The following CABLES1 variants were observed in gnomAD, a reference collection of about 807,000 sequenced individuals.
CABLES1 encodes the protein CDK5 and ABL1 enzyme substrate 1.
CABLES1 carries 36 observed loss-of-function variants against 57.8 expected under a neutral mutation model. The observed-to-expected ratio is 0.62, with a 90% confidence interval of 0.48 to 0.82. The LOEUF (loss-of-function observed/expected upper bound fraction) is 0.82. CABLES1 is among the 40% of genes least tolerant of loss of function. The pLI, the probability that CABLES1 is intolerant of heterozygous loss-of-function variation, is 0.00. For missense variants in CABLES1, 767 were observed against 836.6 expected (o/e 0.92, Z 1.03); for synonymous variants, 374 against 363.0 (o/e 1.03, Z -0.35).
intron 1 of CABLES1, among the ~76,000 whole-genome samples, chr18:23,138,854 T>A (rs9962540): frequency 0.34 from 51,485 of 152,036 alleles, 10,116 homozygotes; most frequent in African/African-American, 0.55. Flanking sequence ...TTGCCATTAG[T>A]GGAATTCCAT....
chr18:23,219,829 G>C (rs979920972), intron 4 of CABLES1, among the ~76,000 whole-genome samples: 3 of 152,202 alleles, frequency 2.0e-5, no homozygotes, highest in Non-Finnish European at 2.9e-5. Flanking sequence ...GAAACACACT[G>C]TCCACACTCC....
At chr18:23,179,658 G>T (rs2047150069) in intron 1 of CABLES1, among the ~76,000 whole-genome samples, 1 of 152,242 alleles carries the variant, frequency 6.6e-6, no homozygotes, top group Non-Finnish European at 1.5e-5. Context: ...TTCCTCCAGG[G>T]TCTAACAAGC....
intron 4 of CABLES1, among the ~76,000 whole-genome samples, chr18:23,230,503 G>C (rs2047559784): frequency 6.6e-6 from 1 of 152,174 alleles, no homozygotes; most frequent in South Asian, 2.1e-4. Flanking sequence ...CAAAATGGTA[G>C]CCCTGAAGTT....
At chr18:23,187,812 C>A (rs551798065) in intron 1 of CABLES1, among the ~76,000 whole-genome samples, 1 of 151,894 alleles carries the variant, frequency 6.6e-6, no homozygotes, top group African/African-American at 2.4e-5. Flanking sequence ...CCAAACAAGC[C>A]AAAGGTATCA....
intron 1 of CABLES1, among the ~76,000 whole-genome samples, chr18:23,163,263 G>A (rs912177491): frequency 2.6e-5 from 4 of 152,242 alleles, no homozygotes; most frequent in East Asian, 1.9e-4. Context: ...AGGATGCCAC[G>A]TGGAGATTTA....
intron 2 of CABLES1, among the ~76,000 whole-genome samples, chr18:23,193,462 G>C (rs2047260322): frequency 1.5e-5 from 2 of 129,366 alleles, no homozygotes; most frequent in African/African-American, 6.0e-5. Flanking sequence ...AAAGTGCTGT[G>C]ATTACAGGCG....
At position 23,259,016 on chromosome 18, in the gene CABLES1, A is replaced by AGAG. The variant is rs1166890776; in HGVS notation, c.*1652_*1654dup. Reference sequence around the variant, plus strand: ...TGGGTGGTGGGGGGAGGGAGGAGGGAGAGGATATGATTAATGTGGTCTCTT... The same window carrying AGAG: ...TGGGTGGTGGGGGGAGGGAGGAGGGAGAGGAGGATATGATTAATGTGGTCTCTT... On this transcript the variant is annotated 3_prime_UTR_variant, in exon 10 of 10. Transcript: ENST00000256925. The AGAG allele has an allele frequency of 4.0e-5, 6 of 151,770 alleles. No individual in the cohort carries two copies. The highest frequency in any genetic ancestry group is 1.5e-4 in the African/African-American group (6 of 41,234). The allele number at this position is 151,770 out of a possible 1,614,324, so 9.4% of individuals were successfully genotyped here. A position where few individuals can be genotyped will look rare whatever the true frequency, so the allele number is the denominator to read the frequency against.
intron 7 of CABLES1, among the ~76,000 whole-genome samples, chr18:23,250,068 A>G (rs2048000390): frequency 6.6e-6 from 1 of 152,186 alleles, no homozygotes; most frequent in African/African-American, 2.4e-5. Flanking sequence ...GAAGTGTTAT[A>G]TCTACAAATA....
At chr18:23,194,327 C>T (rs2047266295) in intron 2 of CABLES1, 121 bp from the exon 3 acceptor site, 8 of 630,290 alleles carry the variant, frequency 1.3e-5, no homozygotes, top group Admixed American at 1.1e-4. Flanking sequence ...CTCGCGGACT[C>T]CTGCCTGCTT....
At chr18:23,224,708 A>G (rs887522303) in intron 4 of CABLES1, among the ~76,000 whole-genome samples, 6 of 151,090 alleles carry the variant, frequency 4.0e-5, no homozygotes, top group Non-Finnish European at 8.9e-5. Context: ...AGCTGGGATT[A>G]CAGGTGCCCG....
intron 4 of CABLES1, among the ~76,000 whole-genome samples, chr18:23,234,042 C>T (rs1568079019): frequency 6.6e-6 from 1 of 152,072 alleles, no homozygotes; most frequent in Non-Finnish European, 1.5e-5. Flanking sequence ...CATAGTGAAA[C>T]CCCGTCTGTA....
intron 2 of CABLES1, among the ~76,000 whole-genome samples, chr18:23,192,797 A>G (rs957114123): frequency 2.6e-5 from 4 of 152,224 alleles, no homozygotes; most frequent in African/African-American, 7.2e-5. Flanking sequence ...TCGAGCAGTC[A>G]TTCTGGAGGA....
chr18:23,209,756 C>T (rs1018880191), intron 3 of CABLES1, among the ~76,000 whole-genome samples: 7 of 152,072 alleles, frequency 4.6e-5, no homozygotes, highest in African/African-American at 4.8e-5. Context: ...AACAAGGCTC[C>T]GGTTTTTTGG....
chr18:23,235,424 A>T (rs1198819791), intron 5 of CABLES1, among the ~76,000 whole-genome samples: 1 of 152,208 alleles, frequency 6.6e-6, no homozygotes, highest in East Asian at 1.9e-4. Context: ...AAGTGTTCCC[A>T]TAGGAGCCAG....
intron 3 of CABLES1, 88 bp from the exon 4 acceptor site, chr18:23,213,889 T>C: frequency 1.2e-6 from 1 of 820,600 alleles, no homozygotes; most frequent in Non-Finnish European, 2.0e-6. Flanking sequence ...ATGAATGCCA[T>C]GAATGCTTAA....
chr18:23,173,406 C>T (rs887081669), intron 1 of CABLES1, among the ~76,000 whole-genome samples: 3 of 152,236 alleles, frequency 2.0e-5, no homozygotes, highest in Admixed American at 2.0e-4. Flanking sequence ...CTGGACATGT[C>T]TGAACCTCTC....
intron 9 of CABLES1, among the ~76,000 whole-genome samples, chr18:23,256,351 G>A (rs1180649890): frequency 6.6e-6 from 1 of 152,228 alleles, no homozygotes; most frequent in African/African-American, 2.4e-5. Flanking sequence ...CAACTGTGTA[G>A]CACTGTGAAA....
At chr18:23,136,712 C>A in intron 1 of CABLES1, 105 bp downstream of exon 1, 1 of 714,658 alleles carries the variant, frequency 1.4e-6, no homozygotes, top group Non-Finnish European at 2.0e-6. Flanking sequence ...CCCATTTTCC[C>A]GCGCCCTGCC....
At chr18:23,230,843 T>G (rs1251104069) in intron 4 of CABLES1, among the ~76,000 whole-genome samples, 2 of 152,170 alleles carry the variant, frequency 1.3e-5, no homozygotes, top group Admixed American at 6.5e-5. Flanking sequence ...ACATGCTGGT[T>G]GTTGTTCCTT....
Sources: gnomAD v4.1 joint callset for allele counts (sites outside exome capture counted in the v4.1 genomes callset) on GRCh38, gnomAD v4.1.1 for gene constraint, MANE v1.5 for transcripts, NCBI Gene and HGNC (gene_info 2026-07-23, HGNC 2026-07-21) for gene names.